Variants in LPGAT1 observed in about 807,000 individuals in gnomAD.
The protein encoded by LPGAT1 is lysophosphatidylglycerol acyltransferase 1.
In LPGAT1, 11 loss-of-function variants were observed where a neutral mutation model predicts 47.5. The observed-to-expected ratio is 0.23, with a 90% CI of 0.15 to 0.38. LPGAT1 has a LOEUF of 0.38. LPGAT1 is among the 10% of genes least tolerant of loss of function. The pLI is 1.00. For synonymous variants in LPGAT1, 138 were observed against 144.2 expected (o/e 0.96, Z 0.31); for missense variants, 293 against 439.0 (o/e 0.67, Z 2.97).
intron 2 of LPGAT1, among the ~76,000 whole-genome samples, chr1:211,820,005 G>C (rs962968081): frequency 1.3e-5 from 2 of 151,964 alleles, no homozygotes; most frequent in Admixed American, 1.3e-4. Context: ...AGGCAGGCAG[G>C]GGGGTGGTTT....
At chr1:211,809,603 C>T (rs763991226) in intron 2 of LPGAT1, among the ~76,000 whole-genome samples, 4 of 152,030 alleles carry the variant, frequency 2.6e-5, no homozygotes, top group African/African-American at 9.7e-5. Flanking sequence ...TCATGAGGGG[C>T]GTGTCTTTCC....
At chr1:211,767,292 C>T (rs1657958264) in intron 6 of LPGAT1, among the ~76,000 whole-genome samples, 1 of 152,136 alleles carries the variant, frequency 6.6e-6, no homozygotes, top group South Asian at 2.1e-4. Context: ...GCACATGTCA[C>T]CATGCCCAGC....
chr1:211,782,208 T>C (rs1451453810), intron 5 of LPGAT1, among the ~76,000 whole-genome samples: 1 of 152,250 alleles, frequency 6.6e-6, no homozygotes, highest in East Asian at 1.9e-4. Context: ...AGCTGTGTTG[T>C]ATTCCGTTGT....
chr1:211,818,524 A>C (rs1660258784), intron 2 of LPGAT1, among the ~76,000 whole-genome samples: 1 of 152,256 alleles, frequency 6.6e-6, no homozygotes, highest in Non-Finnish European at 1.5e-5. Context: ...AAATAGTGCT[A>C]AGACAAAATA....
chr1:211,765,818 G>A (rs1439929068), intron 6 of LPGAT1, among the ~76,000 whole-genome samples: 1 of 152,110 alleles, frequency 6.6e-6, no homozygotes, highest in Admixed American at 6.5e-5. Flanking sequence ...GTCTAGACTG[G>A]GCTAAGGGAT....
At chr1:211,799,189 T>C (rs942908458) in intron 2 of LPGAT1, among the ~76,000 whole-genome samples, 1 of 152,190 alleles carries the variant, frequency 6.6e-6, no homozygotes, top group Non-Finnish European at 1.5e-5. Context: ...AGGTTAAAAT[T>C]TGAGAAAGCA....
chr1:211,758,905 T>C (rs1365258423), intron 6 of LPGAT1, among the ~76,000 whole-genome samples: 1 of 152,198 alleles, frequency 6.6e-6, no homozygotes, highest in African/African-American at 2.4e-5. Context: ...AGTGTTTTCT[T>C]TTTTATCATC....
chr1:211,761,349 A>G (rs1333018107), intron 6 of LPGAT1, among the ~76,000 whole-genome samples: 1 of 152,200 alleles, frequency 6.6e-6, no homozygotes, highest in Non-Finnish European at 1.5e-5. Flanking sequence ...CTTCATGACA[A>G]GTATTGGGGT....
intron 2 of LPGAT1, among the ~76,000 whole-genome samples, chr1:211,799,124 C>T (rs550536121): frequency 3.6e-4 from 54 of 152,082 alleles, no homozygotes; most frequent in African/African-American, 1.2e-3. Flanking sequence ...TAAGCAAGTA[C>T]ATTGTACACA....
chr1:211,818,133 C>A (rs960038190), intron 2 of LPGAT1, among the ~76,000 whole-genome samples: 2 of 152,170 alleles, frequency 1.3e-5, no homozygotes, highest in Non-Finnish European at 2.9e-5. Flanking sequence ...CCGTACCCAG[C>A]CAACTTTCAG....
intron 6 of LPGAT1, among the ~76,000 whole-genome samples, chr1:211,758,960 G>C (rs969720715): frequency 2.0e-5 from 3 of 152,024 alleles, no homozygotes; most frequent in Non-Finnish European, 4.4e-5. Context: ...ATTGAAATGG[G>C]TATGTAATTT....
chr1:211,811,908 T>C (rs1372099684), intron 2 of LPGAT1, among the ~76,000 whole-genome samples: 2 of 152,240 alleles, frequency 1.3e-5, no homozygotes. Context: ...AGAGCATTCA[T>C]GGTATAATGA....
chr1:211,807,299 G>C (rs1245591402), intron 2 of LPGAT1, among the ~76,000 whole-genome samples: 2 of 151,588 alleles, frequency 1.3e-5, no homozygotes, highest in African/African-American at 2.4e-5. Flanking sequence ...CTATGGTTAT[G>C]GATTAAAAGA....
At chr1:211,817,978 G>T (rs1006236960) in intron 2 of LPGAT1, among the ~76,000 whole-genome samples, 2 of 152,078 alleles carry the variant, frequency 1.3e-5, no homozygotes, top group East Asian at 1.9e-4. Flanking sequence ...AGGACTACAG[G>T]TATGCACCAC....
At chr1:211,777,895 T>C (rs1204928547) in intron 6 of LPGAT1, among the ~76,000 whole-genome samples, 1 of 152,030 alleles carries the variant, frequency 6.6e-6, no homozygotes, top group East Asian at 1.9e-4. Context: ...GCTAATAAAA[T>C]AGGTTGCAGT....
At chr1:211,811,323 C>T (rs551618777) in intron 2 of LPGAT1, among the ~76,000 whole-genome samples, 50 of 152,156 alleles carry the variant, frequency 3.3e-4, no homozygotes, top group African/African-American at 1.0e-3. Context: ...TATTAAAGCA[C>T]GAGAATCCTT....
At chr1:211,818,711 C>A (rs1036739938) in intron 2 of LPGAT1, among the ~76,000 whole-genome samples, 2 of 152,188 alleles carry the variant, frequency 1.3e-5, no homozygotes, top group African/African-American at 4.8e-5. Flanking sequence ...TCAAGGCAGA[C>A]CAGACCCTAG....
chr1:211,828,009 T>C (rs1272800979), intron 2 of LPGAT1, among the ~76,000 whole-genome samples: 1 of 152,170 alleles, frequency 6.6e-6, no homozygotes, highest in Non-Finnish European at 1.5e-5. Context: ...GTCCTTCTCT[T>C]GCGTGTGTGG....
At chr1:211,827,898 A>C (rs1478500415) in intron 2 of LPGAT1, among the ~76,000 whole-genome samples, 1 of 152,130 alleles carries the variant, frequency 6.6e-6, no homozygotes, top group Non-Finnish European at 1.5e-5. Flanking sequence ...ATAAATAAAT[A>C]AATGCCACTG....
Sources: gnomAD v4.1 joint callset for allele counts (sites outside exome capture counted in the v4.1 genomes callset) on GRCh38, gnomAD v4.1.1 for gene constraint, MANE v1.5 for transcripts, NCBI Gene and HGNC (gene_info 2026-07-23, HGNC 2026-07-21) for gene names.